The following CHD9 variants were observed in gnomAD, a reference collection of about 807,000 sequenced individuals.
The protein encoded by CHD9 is ATP-dependent chromatin remodeler CHD9.
CHD9 carries 77 observed loss-of-function variants against 316.1 expected under a neutral mutation model. That is an observed-to-expected ratio of 0.24 (90% CI 0.20 to 0.29). The LOEUF is 0.29. Among genes scored for constraint, CHD9 ranks in the 10% least tolerant of loss-of-function variants. The pLI, the probability that CHD9 is intolerant of heterozygous loss-of-function variation, is 1.00. For missense variants in CHD9, 2,763 were observed against 3,438.1 expected (o/e 0.80, Z 4.91); for synonymous variants, 1,129 against 1,158.3 (o/e 0.97, Z 0.51).
At chr16:53,275,944 A>G (rs957128630) in intron 24 of CHD9, among the ~76,000 whole-genome samples, 2 of 152,082 alleles carry the variant, frequency 1.3e-5, no homozygotes, top group African/African-American at 4.8e-5. Context: ...CATACAGTTG[A>G]TCTTGCTATC....
intron 1 of CHD9, among the ~76,000 whole-genome samples, chr16:53,089,221 G>C (rs2035731248): frequency 6.6e-6 from 1 of 152,190 alleles, no homozygotes; most frequent in Non-Finnish European, 1.5e-5. Flanking sequence ...GGGAGGTCGA[G>C]ACTGCAGTGA....
intron 2 of CHD9, among the ~76,000 whole-genome samples, chr16:53,175,068 A>G (rs2043011885): frequency 6.6e-6 from 1 of 152,188 alleles, no homozygotes; most frequent in Non-Finnish European, 1.5e-5. Context: ...TCGCCTTGTG[A>G]GTCCTCTACC....
At chr16:53,145,706 CAA>C (rs913485062) in intron 1 of CHD9, among the ~76,000 whole-genome samples, 26 of 148,388 alleles carry the variant, frequency 1.8e-4, no homozygotes, top group African/African-American at 6.4e-4. Flanking sequence ...AACTCCATCT[CAA>C]AAAAAAAATT....
chr16:53,150,521 G>C (rs1284409545), intron 1 of CHD9, among the ~76,000 whole-genome samples: 1 of 152,076 alleles, frequency 6.6e-6, no homozygotes, highest in African/African-American at 2.4e-5. Flanking sequence ...ACATACCAAA[G>C]GTACAATAAT....
At chr16:53,161,048 C>T (rs2041872037) in intron 2 of CHD9, among the ~76,000 whole-genome samples, 1 of 151,984 alleles carries the variant, frequency 6.6e-6, no homozygotes, top group African/African-American at 2.4e-5. Flanking sequence ...TTGTGTTGCT[C>T]CACTTACCAG....
At chr16:53,174,941 G>C (rs1430022618) in intron 2 of CHD9, among the ~76,000 whole-genome samples, 1 of 152,130 alleles carries the variant, frequency 6.6e-6, no homozygotes, top group East Asian at 1.9e-4. Context: ...TTTGTTCTGG[G>C]ATGCAGTTAA....
intron 2 of CHD9, among the ~76,000 whole-genome samples, chr16:53,192,450 A>G (rs1210669270): frequency 6.6e-6 from 1 of 152,238 alleles, no homozygotes; most frequent in Non-Finnish European, 1.5e-5. Context: ...TAGTATGAGA[A>G]TGGAAGCCTA....
At position 53,245,802 on chromosome 16, in the gene CHD9, A is replaced by G. The variant is rs746903228; in HGVS notation, c.3406A>G (p.Thr1136Ala). The change falls in exon 15 of 39, where the codon ACC (threonine) becomes GCC (alanine). Residue 1136 changes from threonine (T) to alanine (A), a missense_variant. Transcript: ENST00000447540. The surrounding 1 kb of genome is among the most constrained non-coding windows in gnomAD (Gnocchi z 4.1). ...AACTAATGTACCTAACTTGGTCAAT[A>G]CCATGATGGAGCTCAGGAAATGTTG... ...GQTNVPNLVN[T>A]MMELRKCCNH... is the part of the protein sequence containing the mutation. 4.7e-5 allele frequency: 73 copies of G among 1,569,788 alleles called. No individual in the cohort carries two copies. The highest frequency in any genetic ancestry group is 5.9e-5 in the Non-Finnish European group (68 of 1,161,278).
chr16:53,166,103 T>G (rs2042252414), intron 2 of CHD9, among the ~76,000 whole-genome samples: 1 of 152,200 alleles, frequency 6.6e-6, no homozygotes, highest in African/African-American at 2.4e-5. Context: ...TACTTCTTGG[T>G]TTTGTTATTT....
rs777260539 is a variant in CHD9, at chr16:53,304,537, ATCC to A, written c.6534_6536del (p.Ser2181del). The A allele has an allele frequency of 1.9e-6, 3 of 1,545,866 alleles. No homozygotes were observed. The East Asian group carries it at 7.3e-5, about 38-fold the overall frequency. ...CATCTTGTTCTTCAGCATCTTCTTCATCCTCTTCCTCCACCTCTTCCTCCTCCT... is the reference window on the plus strand; with the variant it reads ...CATCTTGTTCTTCAGCATCTTCTTCATCTTCCTCCACCTCTTCCTCCTCCT... On this transcript the variant is annotated inframe_deletion, in exon 31 of 39. Transcript: ENST00000447540.
At chr16:53,300,683 C>T (rs1177645693) in intron 30 of CHD9, among the ~76,000 whole-genome samples, 1 of 152,202 alleles carries the variant, frequency 6.6e-6, no homozygotes, top group Non-Finnish European at 1.5e-5. Flanking sequence ...AATAATCAAA[C>T]ATGGTTCCAT....
intron 10 of CHD9, among the ~76,000 whole-genome samples, chr16:53,232,651 C>T (rs929624841): frequency 2.6e-5 from 4 of 151,848 alleles, no homozygotes; most frequent in African/African-American, 9.7e-5. Context: ...TTCCCTGACC[C>T]GAACTAATGA....
intron 2 of CHD9, among the ~76,000 whole-genome samples, chr16:53,198,254 T>G (rs2045109512): frequency 6.6e-6 from 1 of 151,890 alleles, no homozygotes; most frequent in African/African-American, 2.4e-5. Context: ...AATTTCTTTC[T>G]GAGAGACTAC....
chr16:53,204,748 G>T (rs1318766718), intron 2 of CHD9, among the ~76,000 whole-genome samples: 3 of 151,986 alleles, frequency 2.0e-5, no homozygotes, highest in Non-Finnish European at 4.4e-5. Flanking sequence ...TATCACATAT[G>T]ATATCATCTC....
At chr16:53,225,474 C>A (rs1373631436) in intron 4 of CHD9, among the ~76,000 whole-genome samples, 1 of 151,970 alleles carries the variant, frequency 6.6e-6, no homozygotes, top group Non-Finnish European at 1.5e-5. Flanking sequence ...AGAGATGTAA[C>A]TTTGTTTTTG....
At chr16:53,189,729 C>A (rs1169775128) in intron 2 of CHD9, among the ~76,000 whole-genome samples, 2 of 151,962 alleles carry the variant, frequency 1.3e-5, no homozygotes, top group Non-Finnish European at 2.9e-5. Flanking sequence ...GAACAATTAG[C>A]AAAATATTTT....
At chr16:53,266,183 T>C (rs2051671233) in intron 20 of CHD9, among the ~76,000 whole-genome samples, 1 of 152,018 alleles carries the variant, frequency 6.6e-6, no homozygotes, top group South Asian at 2.1e-4. Flanking sequence ...AACATATTTA[T>C]GTGTCTTCAA....
Position 53,307,884 on chromosome 16 carries a change from T to C in CHD9, c.6984T>C (p.Asp2328=). The part of the protein sequence containing the change: ...PPGAGVKEEH[D]QSTQMSKVKK... ...GTGCCGGTGTTAAAGAAGAACATGA[T>C]CAGTCAACACAGATGTCAAAGGTGA... The change falls in exon 33 of 39, where the codon GAT becomes GAC. Residue 2328 remains aspartate, a synonymous_variant. Transcript: ENST00000447540. The C allele has an allele frequency of 1.2e-6, 2 of 1,613,730 alleles. No individual in the cohort carries two copies. The highest frequency in any genetic ancestry group is 1.7e-6 in the Non-Finnish European group (2 of 1,179,828).
chr16:53,088,653 A>G (rs1313603961), intron 1 of CHD9, among the ~76,000 whole-genome samples: 8 of 152,042 alleles, frequency 5.3e-5, no homozygotes, highest in Non-Finnish European at 1.2e-4. Flanking sequence ...GGTTCATTAC[A>G]GGGCATTGCA....
Sources: allele counts gnomAD v4.1 joint callset (sites outside exome capture counted in the v4.1 genomes callset), GRCh38; gene constraint gnomAD v4.1.1; non-coding constraint Gnocchi (gnomAD v3.1); transcripts MANE v1.5; gene names NCBI Gene and HGNC (gene_info 2026-07-23, HGNC 2026-07-21).